Variants in FHIT observed in about 807,000 individuals in gnomAD.
FHIT encodes the protein bis(5'-adenosyl)-triphosphatase.
In FHIT, 19 loss-of-function variants were observed where a neutral mutation model predicts 17.9. The observed-to-expected ratio is 1.06, with a 90% confidence interval of 0.74 to 1.56. The LOEUF is 1.56. Ranked by LOEUF, FHIT falls within the 40% of genes most tolerant of loss-of-function variation. The pLI is 0.00. For missense variants in FHIT, 248 were observed against 189.2 expected, an observed-to-expected ratio of 1.31 and a Z score of -1.82; for synonymous variants, 81 against 69.7, an observed-to-expected ratio of 1.16 and a Z score of -0.81.
In FHIT at chr3:60,744,272, A is replaced by C. The variant is rs1161987612; in HGVS notation, c.-18+77647T>G. On this transcript the variant is annotated intron_variant, in intron 4 of 9. Coordinates refer to ENST00000492590, the MANE Select transcript of FHIT (RefSeq NM_002012.4). ...AAAAAAAAAAACAAAACAAAACAAA[A>C]AAAAAAAAAAACAGAAAGAAAAGAA... 2.4e-3 allele frequency among the ~76,000 whole-genome samples: 218 copies of C among 90,014 alleles called. 9 individuals carry two copies. Among genetic ancestry groups the C allele is most frequent in the East Asian group, 7.8e-3 (6 of 766 alleles). The allele number at this position is 90,014 out of a possible 152,430, so 59.1% of individuals were successfully genotyped here. A position where few individuals can be genotyped will look rare whatever the true frequency, so the allele number is the denominator to read the frequency against.
Position 60,172,645 on chromosome 3 carries a change from G to A in FHIT, c.104-158493C>T, listed in dbSNP as rs541664741. ...GGGGCAGAAAAAATGTTGGGAAAAC[G>A]GAAAGAACAGCAGGAACAGAGACCC... On this transcript the variant is annotated intron_variant, in intron 5 of 9. Transcript: ENST00000492590. Among the ~76,000 whole-genome samples, 31 of 152,098 alleles carry A rather than the reference G, an allele frequency of 2.0e-4. No individual in the cohort carries two copies. The South Asian group carries it at 3.3e-3, about 16-fold the overall frequency.
At chr3:60,137,196 A>G (rs569855082) in intron 5 of FHIT, among the ~76,000 whole-genome samples, 41 of 152,308 alleles carry the variant, frequency 2.7e-4, no homozygotes, top group African/African-American at 9.9e-4. Context: ...GCCTCCCTAG[A>G]GCGGAATGGT....
chr3:60,028,250 G>T (rs1700838539), intron 5 of FHIT, among the ~76,000 whole-genome samples: 1 of 152,150 alleles, frequency 6.6e-6, no homozygotes, highest in South Asian at 2.1e-4. Context: ...TCCTTCTCAT[G>T]GTTCCAATAT....
At chr3:60,017,737 G>A (rs1431761180) in intron 5 of FHIT, among the ~76,000 whole-genome samples, 2 of 152,188 alleles carry the variant, frequency 1.3e-5, no homozygotes, top group Non-Finnish European at 2.9e-5. Flanking sequence ...TGTTTTTGCT[G>A]CATTAAAGTG....
intron 8 of FHIT, among the ~76,000 whole-genome samples, chr3:59,901,275 GA>G (rs1704318073): frequency 6.6e-6 from 1 of 152,192 alleles, no homozygotes; most frequent in African/African-American, 2.4e-5. Context: ...AGCTTTAGTT[GA>G]TCCTTCCTAC....
chr3:59,884,326 T>G (rs1208534313), intron 8 of FHIT, among the ~76,000 whole-genome samples: 5 of 152,180 alleles, frequency 3.3e-5, no homozygotes, highest in Admixed American at 3.3e-4. Flanking sequence ...GTCAGATGTA[T>G]GAGGGTATGT....
intron 5 of FHIT, among the ~76,000 whole-genome samples, chr3:60,369,743 T>A (rs1461729668): frequency 6.6e-6 from 1 of 152,158 alleles, no homozygotes; most frequent in African/African-American, 2.4e-5. Flanking sequence ...AGGACTCCAA[T>A]ATCTCTCAGC....
intron 5 of FHIT, among the ~76,000 whole-genome samples, chr3:60,222,355 T>A (rs2107535583): frequency 6.6e-6 from 1 of 152,292 alleles, no homozygotes; most frequent in South Asian, 2.1e-4. Flanking sequence ...CTTCAGTCAT[T>A]CACCTGCTCT....
intron 3 of FHIT, among the ~76,000 whole-genome samples, chr3:60,889,955 C>T (rs1705426575): frequency 6.6e-6 from 1 of 152,134 alleles, no homozygotes; most frequent in African/African-American, 2.4e-5. Context: ...TGTGCACATA[C>T]CCTTATGCTA....
intron 8 of FHIT, among the ~76,000 whole-genome samples, chr3:59,914,716 T>C (rs534166578): frequency 6.6e-6 from 1 of 152,322 alleles, no homozygotes; most frequent in South Asian, 2.1e-4. Flanking sequence ...GGGGCCATTA[T>C]AATTTATATT....
At position 61,020,768 on chromosome 3, in the gene FHIT, T is replaced by C. The variant is rs138602058; in HGVS notation, c.-111+21279A>G. On this transcript the variant is annotated intron_variant, in intron 3 of 9. Transcript: ENST00000492590. ...ATGACCCGTGGGTGTGCTGTATCGG[T>C]GCGCTATATTCAGGAGACCCATCTT... Among the ~76,000 whole-genome samples, 1,001 of 152,200 alleles carry C rather than the reference T, an allele frequency of 6.6e-3. 45 individuals carry two copies. The highest frequency in any genetic ancestry group is 0.063 in the Admixed American group (964 of 15,286).
intron 3 of FHIT, among the ~76,000 whole-genome samples, chr3:61,020,507 T>C (rs1325620758): frequency 6.6e-6 from 1 of 152,138 alleles, no homozygotes; most frequent in Non-Finnish European, 1.5e-5. Flanking sequence ...CTTTGATTTC[T>C]TTTCAAGGAA....
chr3:60,828,686 T>G (rs143554853), intron 3 of FHIT, among the ~76,000 whole-genome samples: 101 of 152,062 alleles, frequency 6.6e-4, no homozygotes, highest in African/African-American at 2.2e-3. Context: ...GAGACCAGCC[T>G]GACCAACATG....
intron 5 of FHIT, among the ~76,000 whole-genome samples, chr3:60,173,915 A>ATATTTTTTTTTTT: frequency 4.5e-5 from 3 of 66,444 alleles, no homozygotes; most frequent in Admixed American, 2.1e-4. Context: ...ATATATATAT[A>ATATTTTTTTTTTT]TGTTTTTTTT....
chr3:61,167,726 A>C (rs2037883847), intron 2 of FHIT, among the ~76,000 whole-genome samples: 1 of 152,066 alleles, frequency 6.6e-6, no homozygotes, highest in Non-Finnish European at 1.5e-5. Context: ...AAAGAAAAGA[A>C]AAAAGAAAAG....
At chr3:60,540,775 C>T (rs367878545) in intron 4 of FHIT, among the ~76,000 whole-genome samples, 1 of 152,018 alleles carries the variant, frequency 6.6e-6, no homozygotes, top group Non-Finnish European at 1.5e-5. Context: ...ATGGACACAC[C>T]CACATAGCCA....
intron 4 of FHIT, among the ~76,000 whole-genome samples, chr3:60,789,171 TATATAGAG>T (rs781886012): frequency 0.18 from 23,671 of 129,670 alleles, 2,038 homozygotes; most frequent in Middle Eastern, 0.23. Flanking sequence ...TATATATATA[TATATAGAG>T]AGAGAGAGAG....
chr3:60,932,220 T>C (rs1707991807), intron 3 of FHIT, among the ~76,000 whole-genome samples: 2 of 152,196 alleles, frequency 1.3e-5, no homozygotes, highest in Non-Finnish European at 2.9e-5. Flanking sequence ...TAGGTATTAC[T>C]ATGCACATTT....
At chr3:60,421,667 T>C (rs894354842) in intron 5 of FHIT, among the ~76,000 whole-genome samples, 1 of 152,138 alleles carries the variant, frequency 6.6e-6, no homozygotes, top group Admixed American at 6.6e-5. Context: ...AAAATCTCAG[T>C]ACCACCCAGA....
Sources: allele counts gnomAD v4.1 joint callset (sites outside exome capture counted in the v4.1 genomes callset), GRCh38; gene constraint gnomAD v4.1.1; transcripts MANE v1.5; gene names NCBI Gene and HGNC (gene_info 2026-07-23, HGNC 2026-07-21).